Variants in PGLS observed in about 807,000 individuals in gnomAD.
The protein encoded by PGLS is 6-phosphogluconolactonase, also known as epididymis secretory protein Li 304.
PGLS carries 21 observed loss-of-function variants against 23.2 expected under a neutral mutation model. The observed-to-expected ratio is 0.91, with a 90% CI of 0.64 to 1.31. The LOEUF (loss-of-function observed/expected upper bound fraction) is 1.31, where lower values mean the gene tolerates loss of function less well. PGLS is among the 50% of genes most tolerant of loss of function. The pLI, the probability that PGLS is intolerant of heterozygous loss-of-function variation, is 0.00. For synonymous variants in PGLS, 179 were observed against 165.4 expected (o/e 1.08, Z -0.63); for missense variants, 410 against 354.0 (o/e 1.16, Z -1.27).
chr19:17,516,093 T>A lies in PGLS; in HGVS notation c.289-80T>A, dbSNP rs927338876. 7.8e-5 allele frequency: 82 copies of A among 1,047,032 alleles called. No homozygotes were observed. The South Asian group carries it at 1.0e-3, about 13-fold the overall frequency. The allele number at this position is 1,047,032 out of a possible 1,614,324, so 64.9% of individuals were successfully genotyped here. ...TCTCCCCATCTGTAAATGAGTGTTA[T>A]GACGGTACTGTCATAAACTCCCTGG... On this transcript the variant is annotated intron_variant, in intron 1 of 4. Coordinates refer to ENST00000252603, the MANE Select transcript of PGLS (RefSeq NM_012088.3).
intron 1 of PGLS, among the ~76,000 whole-genome samples, chr19:17,514,992 C>T (rs2041354983): frequency 6.6e-6 from 1 of 151,492 alleles, no homozygotes; most frequent in Non-Finnish European, 1.5e-5. Flanking sequence ...TTTCACTATG[C>T]TGCCCAGGCT....
At chr19:17,515,445 C>T (rs940089647) in intron 1 of PGLS, among the ~76,000 whole-genome samples, 5 of 152,120 alleles carry the variant, frequency 3.3e-5, no homozygotes, top group Non-Finnish European at 7.3e-5. Context: ...GCAGCTTTCT[C>T]CTTGATCCAA....
At chr19:17,519,960 T>A (rs2075549634) in intron 4 of PGLS, among the ~76,000 whole-genome samples, 2 of 151,754 alleles carry the variant, frequency 1.3e-5, no homozygotes, top group South Asian at 4.2e-4. Flanking sequence ...TTGAGACTAG[T>A]CTTGGCAACA....
At chr19:17,520,883 A>G in intron 4 of PGLS, 61 bp from the exon 5 acceptor site, 1 of 1,468,768 alleles carries the variant, frequency 6.8e-7, no homozygotes, top group South Asian at 1.4e-5. Flanking sequence ...GAGCCAGGAG[A>G]GTGCCGAGGG....
At chr19:17,519,173 G>T (rs1273635662) in intron 4 of PGLS, among the ~76,000 whole-genome samples, 2 of 151,552 alleles carry the variant, frequency 1.3e-5, no homozygotes, top group African/African-American at 2.4e-5. Context: ...AATTAGCCAG[G>T]CGTGGTGGCG....
rs771241384 is a variant in PGLS at position 17,516,195 on chromosome 19, C to T, written c.311C>T (p.Pro104Leu). The T allele has an allele frequency of 1.2e-5, 20 of 1,613,758 alleles. No homozygotes were observed. The highest frequency in any genetic ancestry group is 4.0e-5 in the African/African-American group (3 of 74,920). The change falls in exon 2 of 5, where the codon CCG (proline) becomes CTG (leucine). Residue 104 changes from proline (P) to leucine (L), a missense_variant. By Grantham distance (98) the Pro-to-Leu change is moderately conservative (BLOSUM62 -3). Coordinates refer to ENST00000252603, the MANE Select transcript of PGLS (RefSeq NM_012088.3). ...LYRTHLLSRL[P>L]IPESQVITIN... The stretch of plus-strand genomic sequence containing the variant: ...CAGACGCATCTTCTCTCCAGACTGC[C>T]GATCCCAGAAAGCCAGGTGATCACC...
At chr19:17,519,394 A>G (rs1190284651) in intron 4 of PGLS, among the ~76,000 whole-genome samples, 1 of 151,872 alleles carries the variant, frequency 6.6e-6, no homozygotes. Flanking sequence ...GTGTCCAGAA[A>G]TTGTTTTGTT....
intron 2 of PGLS, chr19:17,516,572 T>G: frequency 2.0e-6 from 2 of 996,428 alleles, no homozygotes; most frequent in Non-Finnish European, 2.5e-6. Flanking sequence ...GCGTTACAGC[T>G]ACTTGTATTT....
chr19:17,516,296 C>T lies in PGLS; in HGVS notation c.396+16C>T, dbSNP rs45607437. 35,839 of 1,609,314 alleles carry T rather than the reference C, an allele frequency of 0.022. 478 individuals carry two copies. Among genetic ancestry groups the T allele is most frequent in the South Asian group, 0.027 (2,443 of 90,458 alleles). ...GCTGAGACAGGTGAGCCCCGAGGAG[C>T]GGCCGCAAGGGAGTCACATCCACGA... On this transcript the variant is annotated intron_variant, in intron 2 of 4. Coordinates refer to ENST00000252603, the MANE Select transcript of PGLS (RefSeq NM_012088.3).
chr19:17,516,346 G>A, intron 2 of PGLS, 66 bp downstream of exon 2: 1 of 1,553,054 alleles, frequency 6.4e-7, no homozygotes, highest in Non-Finnish European at 8.7e-7. Context: ...GGGCAACAGA[G>A]CGGCCTTCTG....
intron 4 of PGLS, chr19:17,520,405 G>A (rs1350412599): frequency 2.0e-5 from 3 of 151,990 alleles, no homozygotes; most frequent in African/African-American, 7.3e-5. Context: ...AATTAGCCAG[G>A]TGTGGTGGGA....
rs1173761889 is a variant in PGLS, at chr19:17,511,884, C to T, written c.212C>T (p.Ala71Val). Residue 71 changes from alanine to valine, a missense_variant, in exon 1 of 5, where the codon GCG (alanine) becomes GTG (valine). Coordinates refer to ENST00000252603, the MANE Select transcript of PGLS (RefSeq NM_012088.3). ...GCCCCTGCCGGGCCAGCTAGCTTAG[C>T]GCGCTGGACGCTGGGCTTCTGCGAC... ...AVAPAGPASL[A>V]RWTLGFCDER... 3.2e-6 allele frequency: 5 copies of T among 1,540,782 alleles called. No individual in the cohort carries two copies. Among genetic ancestry groups the T allele is most frequent in the Non-Finnish European group, 2.6e-6 (3 of 1,144,744 alleles).
intron 4 of PGLS, chr19:17,518,522 T>A (rs929278409): frequency 5.3e-5 from 8 of 152,136 alleles, no homozygotes; most frequent in African/African-American, 1.9e-4. Flanking sequence ...TTTTTATTTT[T>A]TTTTTGTTTT....
At chr19:17,512,035 C>CGGCATG in intron 1 of PGLS, 75 bp downstream of exon 1, 1 of 1,409,996 alleles carries the variant, frequency 7.1e-7, no homozygotes, top group Non-Finnish European at 9.4e-7. Flanking sequence ...CTACGGAGGC[C>CGGCATG]GCCGGGGGCC....
At position 17,517,734 on chromosome 19, in the gene PGLS, A is replaced by C. The variant is rs756027872; in HGVS notation, c.523A>C (p.Ile175Leu). ...LQEREKIVAP[I>L]SDSPKPPPQR... ...GGAGCGGGAGAAGATTGTGGCTCCC[A>C]TCAGTGACTCCCCGAAGCCACCGCC... Residue 175 changes from isoleucine (I) to leucine (L), a missense_variant, in exon 4 of 5, where the codon ATC (isoleucine) becomes CTC (leucine). Physicochemically the swap from Ile to Leu is conservative, Grantham distance 5. Coordinates refer to ENST00000252603, the MANE Select transcript of PGLS (RefSeq NM_012088.3). 1 of 1,614,096 alleles carries C rather than the reference A, an allele frequency of 6.2e-7. No individual in the cohort carries two copies. The highest frequency in any genetic ancestry group is 8.5e-7 in the Non-Finnish European group (1 of 1,180,026).
chr19:17,514,335 G>A (rs769846648), intron 1 of PGLS, among the ~76,000 whole-genome samples: 47 of 151,958 alleles, frequency 3.1e-4, no homozygotes, highest in Non-Finnish European at 5.6e-4. Context: ...ATATAAGGAC[G>A]CCAGTCATTG....
At chr19:17,514,687 T>C (rs991832892) in intron 1 of PGLS, among the ~76,000 whole-genome samples, 2 of 150,326 alleles carry the variant, frequency 1.3e-5, no homozygotes, top group African/African-American at 4.9e-5. Flanking sequence ...AGTTTCACCC[T>C]TGTTGCCCAG....
intron 3 of PGLS, 91 bp downstream of exon 3, chr19:17,517,480 G>A (rs774497156): frequency 4.6e-6 from 5 of 1,090,576 alleles, no homozygotes; most frequent in Non-Finnish European, 6.8e-6. Flanking sequence ...GCCGGGTGGG[G>A]TGTCTAGAGC....
At chr19:17,517,640 T>G (rs1599690538) in intron 3 of PGLS, 70 bp from the exon 4 acceptor site, 3 of 1,524,290 alleles carry the variant, frequency 2.0e-6, no homozygotes, top group East Asian at 4.5e-5. Context: ...CCAGGCCTGG[T>G]GTGTGTAAGT....
Sources: gnomAD v4.1 joint callset for allele counts (sites outside exome capture counted in the v4.1 genomes callset) on GRCh38, gnomAD v4.1.1 for gene constraint, MANE v1.5 for transcripts, NCBI Gene and HGNC (gene_info 2026-07-23, HGNC 2026-07-21) for gene names.